Variants in PABPC4L observed in about 807,000 individuals in gnomAD.
The protein encoded by PABPC4L is polyadenylate-binding protein 4-like.
For missense variants in PABPC4L, 452 were observed against 451.4 expected (o/e 1.00, Z -0.01); for synonymous variants, 169 against 164.1 (o/e 1.03, Z -0.23).
At chr4:134,111,627 G>A in the PABPC4L span, among the ~76,000 whole-genome samples, 5 of 151,884 alleles carry the variant, frequency 3.3e-5, no homozygotes, top group Non-Finnish European at 1.5e-5. Context: ...GATCCAGGGG[G>A]AGGTAACTGA....
chr4:134,092,567 A>T, the PABPC4L span, among the ~76,000 whole-genome samples: 3 of 152,064 alleles, frequency 2.0e-5, no homozygotes, highest in Non-Finnish European at 4.4e-5. Context: ...ACACTTAGCC[A>T]TCTATGGACT....
the PABPC4L span, among the ~76,000 whole-genome samples, chr4:134,103,067 T>C: frequency 6.6e-6 from 1 of 151,580 alleles, no homozygotes; most frequent in Admixed American, 6.6e-5. Context: ...TCCTCTAATG[T>C]GGGGCATTTG....
the PABPC4L span, among the ~76,000 whole-genome samples, chr4:133,977,493 A>G: frequency 6.6e-6 from 1 of 152,066 alleles, no homozygotes; most frequent in Non-Finnish European, 1.5e-5. Flanking sequence ...GAATCTACAA[A>G]TTGTTTTGGG....
the PABPC4L span, among the ~76,000 whole-genome samples, chr4:134,070,566 G>T: frequency 6.6e-6 from 1 of 152,140 alleles, no homozygotes; most frequent in African/African-American, 2.4e-5. Context: ...GTGTCCCAGT[G>T]GGTGTGCATG....
the PABPC4L span, among the ~76,000 whole-genome samples, chr4:134,162,707 G>A: frequency 6.6e-6 from 1 of 151,972 alleles, no homozygotes; most frequent in Non-Finnish European, 1.5e-5. Flanking sequence ...ACTCCAAAAG[G>A]AAACCTCAAG....
the PABPC4L span, among the ~76,000 whole-genome samples, chr4:134,147,854 A>G: frequency 2.0e-5 from 3 of 151,994 alleles, no homozygotes; most frequent in Non-Finnish European, 4.4e-5. Context: ...GGAGATGTGG[A>G]AAAATGATAG....
At chr4:133,960,209 C>T in the PABPC4L span, among the ~76,000 whole-genome samples, 2 of 152,182 alleles carry the variant, frequency 1.3e-5, no homozygotes, top group African/African-American at 4.8e-5. Flanking sequence ...AAGCAGACTG[C>T]TCCTGAAGGA....
At chr4:134,122,600 A>C in the PABPC4L span, among the ~76,000 whole-genome samples, 6 of 151,840 alleles carry the variant, frequency 4.0e-5, no homozygotes, top group African/African-American at 1.4e-4. Context: ...GTTGAAAAGC[A>C]ATTTCTAGTT....
the PABPC4L span, among the ~76,000 whole-genome samples, chr4:134,153,788 C>T: frequency 2.0e-5 from 3 of 148,940 alleles, no homozygotes; most frequent in Non-Finnish European, 3.0e-5. Context: ...CTGGGACTAC[C>T]GGGCATGTGC....
chr4:133,988,699 G>A, the PABPC4L span, among the ~76,000 whole-genome samples: 1 of 152,134 alleles, frequency 6.6e-6, no homozygotes, highest in Admixed American at 6.5e-5. Flanking sequence ...TACCATTCTG[G>A]GGTCTGGAGG....
the PABPC4L span, among the ~76,000 whole-genome samples, chr4:134,083,653 T>C: frequency 1.3e-5 from 2 of 152,190 alleles, no homozygotes. Context: ...AGTTGTACTT[T>C]GGCTAGTATT....
At chr4:134,102,250 T>C in the PABPC4L span, among the ~76,000 whole-genome samples, 3 of 151,600 alleles carry the variant, frequency 2.0e-5, no homozygotes, top group African/African-American at 7.2e-5. Flanking sequence ...TGATTTTACA[T>C]AGGGAGTAAA....
the PABPC4L span, among the ~76,000 whole-genome samples, chr4:134,006,266 G>GT: frequency 5.1e-3 from 772 of 151,172 alleles, 4 homozygotes; most frequent in Non-Finnish European, 8.2e-3. Context: ...TTTTTTTTCT[G>GT]TTTTTAAGCT....
At chr4:134,185,927 C>T in the PABPC4L span, among the ~76,000 whole-genome samples, 1 of 152,056 alleles carries the variant, frequency 6.6e-6, no homozygotes, top group African/African-American at 2.4e-5. Flanking sequence ...GAGTGAACTC[C>T]CATTCACAAT....
chr4:134,186,577 A>T, the PABPC4L span, among the ~76,000 whole-genome samples: 1 of 152,154 alleles, frequency 6.6e-6, no homozygotes, highest in Admixed American at 6.6e-5. Context: ...TAGACCTAAA[A>T]CCATAAAAAC....
At chr4:134,132,552 TA>T in the PABPC4L span, among the ~76,000 whole-genome samples, 5 of 150,488 alleles carry the variant, frequency 3.3e-5, no homozygotes, top group African/African-American at 7.3e-5. Flanking sequence ...AATAAGAGAA[TA>T]AAAAAAAATC....
At chr4:134,097,598 G>A in the PABPC4L span, among the ~76,000 whole-genome samples, 1 of 151,740 alleles carries the variant, frequency 6.6e-6, no homozygotes, top group Non-Finnish European at 1.5e-5. Context: ...ACATGCTCAG[G>A]ATTGGAATAG....
the PABPC4L span, among the ~76,000 whole-genome samples, chr4:134,086,649 G>A: frequency 1.9e-4 from 28 of 151,324 alleles, no homozygotes; most frequent in South Asian, 6.3e-4. Flanking sequence ...CCACCCTCCC[G>A]CTCCACCGTC....
the PABPC4L span, among the ~76,000 whole-genome samples, chr4:134,190,820 T>C: frequency 6.6e-6 from 1 of 152,004 alleles, no homozygotes; most frequent in African/African-American, 2.4e-5. Context: ...CCTAGCTGAT[T>C]TTTATATTTT....
Sources: gnomAD v4.1 joint callset for allele counts (sites outside exome capture counted in the v4.1 genomes callset) on GRCh38, gnomAD v4.1.1 for gene constraint, MANE v1.5 for transcripts, NCBI Gene and HGNC (gene_info 2026-07-23, HGNC 2026-07-21) for gene names.